ZSCAN20: variants seen among roughly 807,000 people sequenced by gnomAD.
ZSCAN20 encodes the protein zinc finger and SCAN domain-containing protein 20.
ZSCAN20 carries 39 observed loss-of-function variants against 97.1 expected under a neutral mutation model. The observed-to-expected ratio is 0.40, with a 90% CI of 0.31 to 0.52. The LOEUF (loss-of-function observed/expected upper bound fraction) is 0.52. ZSCAN20 is among the 20% of genes least tolerant of loss of function. The probability of loss-of-function intolerance (pLI) is 0.49; values close to 1 mark genes in which losing one functional copy is unlikely to be tolerated. For synonymous variants in ZSCAN20, 456 were observed against 467.3 expected (o/e 0.98, Z 0.31); for missense variants, 1,115 against 1,290.4 (o/e 0.86, Z 2.08).
rs778738966 is a variant in ZSCAN20 at position 33,491,162 on chromosome 1, T to G, written c.904T>G (p.Trp302Gly). ...LDNEPAQALTWRDSRAWEEQY... is the reference protein window; with the variant it reads ...LDNEPAQALTGRDSRAWEEQY... ...TAATGAGCCAGCTCAGGCATTGACC[T>G]GGAGGGATTCAAGAGCCTGGGAGGA... The change falls in exon 6 of 8, where the codon TGG (tryptophan) becomes GGG (glycine). Residue 302 changes from tryptophan to glycine, a missense_variant. Around this residue, in one of 3 missense-constraint regions of ZSCAN20, gnomAD observed 508 missense variants for 611.2 expected, o/e 0.83. Transcript: ENST00000684572. This position sits in a 1 kb window ranked among gnomAD's most constrained non-coding sequence, Gnocchi z 4.3. The G allele has an allele frequency of 4.3e-6, 7 of 1,613,882 alleles. No homozygotes were observed. The African/African-American group carries it at 8.0e-5, about 18-fold the overall frequency.
intron 2 of ZSCAN20, among the ~76,000 whole-genome samples, chr1:33,485,519 C>T (rs112273031): frequency 0.014 from 979 of 69,590 alleles, 15 homozygotes; most frequent in African/African-American, 0.051. Flanking sequence ...AAGCAACCCT[C>T]CTGCCTCAGC....
In ZSCAN20 at chr1:33,495,327, T is replaced by C; in HGVS notation, c.2983T>C (p.Cys995Arg). The change falls in exon 8 of 8, where the codon TGC (cysteine) becomes CGC (arginine). Residue 995 changes from cysteine (C) to arginine (R), a missense_variant. By Grantham distance (180) the Cys-to-Arg change is radical (BLOSUM62 -3). Coordinates refer to ENST00000684572, the MANE Select transcript of ZSCAN20 (RefSeq NM_001377376.1). ...GTATAAGTGCAGAGAGTGTGGGAAA[T>C]GCTTTAACCAGAGCTCCAGTCTTAT... ...KPYKCRECGK[C>R]FNQSSSLIIH... 1 of 1,613,028 alleles carries C rather than the reference T, an allele frequency of 6.2e-7. No homozygotes were observed. The highest frequency in any genetic ancestry group is 8.5e-7 in the Non-Finnish European group (1 of 1,179,426).
intron 5 of ZSCAN20, among the ~76,000 whole-genome samples, chr1:33,490,498 C>T (rs979145344): frequency 2.0e-5 from 3 of 152,156 alleles, no homozygotes; most frequent in African/African-American, 7.2e-5. Context: ...TACAGACTAG[C>T]TGAGCAATGT....
In ZSCAN20 at chr1:33,491,345, C is replaced by T. The variant is rs373247273; in HGVS notation, c.1087C>T (p.Gln363Ter). The stretch of plus-strand genomic sequence containing the variant: ...CCAGGTATATCGGGCCATTGCAGAG[C>T]AGCTAAGGGCAAGGGGCTTCCTGCG... ...NRQVYRAIAE[Q>*]LRARGFLRTL... Residue 363 changes from glutamine (Q) to a stop codon, truncating the protein, a stop_gained, in exon 6 of 8, where the codon CAG becomes TAG. Transcript: ENST00000684572. LOFTEE classifies it high-confidence loss of function. This position sits in a 1 kb window ranked among gnomAD's most constrained non-coding sequence, Gnocchi z 4.3. The T allele has an allele frequency of 9.3e-6, 15 of 1,614,064 alleles. No homozygotes were observed. Among genetic ancestry groups the T allele is most frequent in the Non-Finnish European group, 1.3e-5 (15 of 1,180,030 alleles).
At position 33,498,833 on chromosome 1, in the gene ZSCAN20, G is replaced by A. The variant is rs551195894; in HGVS notation, c.*3357G>A. 2.6e-5 allele frequency among the ~76,000 whole-genome samples: 4 copies of A among 152,284 alleles called. No homozygotes were observed. The highest frequency in any genetic ancestry group is 4.8e-5 in the African/African-American group (2 of 41,572). On this transcript the variant is annotated 3_prime_UTR_variant, in exon 8 of 8. Transcript: ENST00000684572. ...TTGGCTCCTCTGAAGGGACAAAAAGGTACCTAAAGGACCTTAGGCCTCCCA... is the reference window on the plus strand; with the variant it reads ...TTGGCTCCTCTGAAGGGACAAAAAGATACCTAAAGGACCTTAGGCCTCCCA...
intron 2 of ZSCAN20, among the ~76,000 whole-genome samples, chr1:33,484,069 T>G (rs966096998): frequency 2.6e-5 from 4 of 152,250 alleles, no homozygotes; most frequent in Admixed American, 6.5e-5. Flanking sequence ...GCAGCCTTGC[T>G]ATAACTGCTT....
At chr1:33,473,572 G>T (rs1011474662) in intron 1 of ZSCAN20, among the ~76,000 whole-genome samples, 1 of 151,892 alleles carries the variant, frequency 6.6e-6, no homozygotes, top group African/African-American at 2.4e-5. Flanking sequence ...TCGTTTCCTG[G>T]GTAGGCCATT....
At chr1:33,472,893 T>TA (rs1190761759) in intron 1 of ZSCAN20, among the ~76,000 whole-genome samples, 2 of 150,166 alleles carry the variant, frequency 1.3e-5, no homozygotes, top group African/African-American at 4.9e-5. Context: ...GAGGAGGCGA[T>TA]AGAGGGCCCT....
chr1:33,488,471 G>C lies in ZSCAN20; in HGVS notation c.424G>C (p.Glu142Gln), dbSNP rs1357186252. ...TTTGACTATTTGTGTGTAGGGACTGGAATTGCATACAGAAGAGACCAGGCC... is the reference window on the plus strand; with the variant it reads ...TTTGACTATTTGTGTGTAGGGACTGCAATTGCATACAGAAGAGACCAGGCC... Reference protein sequence around the residue: ...ETRTAGQSGLELHTEETRPLK... With the variant: ...ETRTAGQSGLQLHTEETRPLK... Residue 142 changes from glutamate (E) to glutamine (Q), a missense_variant, in exon 3 of 8, where the codon GAA becomes CAA. Coordinates refer to ENST00000684572, the MANE Select transcript of ZSCAN20 (RefSeq NM_001377376.1). The C allele has an allele frequency of 6.2e-7, 1 of 1,611,822 alleles. No homozygotes were observed. Among genetic ancestry groups the C allele is most frequent in the African/African-American group, 1.3e-5 (1 of 74,660 alleles).
rs1180807569 is a variant in ZSCAN20 at position 33,495,494 on chromosome 1, A to C, written c.*18A>C. ...CGTCGTAGGGGACAGTTTCCTCAAC[A>C]ACAAAGGAGGACTCAATGTATATAT... On this transcript the variant is annotated 3_prime_UTR_variant, in exon 8 of 8. Transcript: ENST00000684572. 1 of 1,498,530 alleles carries C rather than the reference A, an allele frequency of 6.7e-7. No individual in the cohort carries two copies. Among genetic ancestry groups the C allele is most frequent in the East Asian group, 2.3e-5 (1 of 43,952 alleles). The allele number at this position is 1,498,530 out of a possible 1,614,324, so 92.8% of individuals were successfully genotyped here.
rs182189316 is a variant in ZSCAN20, at chr1:33,501,009, C to T, written c.*5533C>T. Among the ~76,000 whole-genome samples the T allele has an allele frequency of 9.0e-4, 137 of 152,198 alleles. 1 individual carries two copies. The highest frequency in any genetic ancestry group is 3.3e-3 in the African/African-American group (135 of 41,538). ...GATTCGTGGACCACAGAGAAGCTTCCGCATATTTATAGGCACTGGGGACCA... is the reference window on the plus strand; with the variant it reads ...GATTCGTGGACCACAGAGAAGCTTCTGCATATTTATAGGCACTGGGGACCA... On this transcript the variant is annotated 3_prime_UTR_variant, in exon 8 of 8. Transcript: ENST00000684572.
At position 33,494,561 on chromosome 1, in the gene ZSCAN20, A is replaced by G. The variant is rs1317554611; in HGVS notation, c.2217A>G (p.Lys739=). The G allele has an allele frequency of 6.2e-7, 1 of 1,614,032 alleles. No individual in the cohort carries two copies. Among genetic ancestry groups the G allele is most frequent in the East Asian group, 2.2e-5 (1 of 44,890 alleles). The change falls in exon 8 of 8, where the codon AAA becomes AAG. Residue 739 remains lysine (K), a synonymous_variant. Transcript: ENST00000684572. ...TCCACACAGGTGAGAAGCCCTACAA[A>G]TGCCTTGAATGTGGAAAAAACTTTA... The part of the protein sequence containing the change: ...QRIHTGEKPY[K]CLECGKNFSD...
At chr1:33,482,754 A>T (rs1652201452) in intron 2 of ZSCAN20, among the ~76,000 whole-genome samples, 1 of 152,242 alleles carries the variant, frequency 6.6e-6, no homozygotes, top group African/African-American at 2.4e-5. Flanking sequence ...GATTTTGGCC[A>T]TTCTAATAGG....
rs905424187 is a variant in ZSCAN20 at position 33,479,204 on chromosome 1, A to T, written c.-85A>T. Reference sequence around the variant, plus strand: ...AGCCTTGGGGAGCAGTCCCTTTTCTAGGAGCCTCTTGAAGGACTCACCGTA... The same window carrying T: ...AGCCTTGGGGAGCAGTCCCTTTTCTTGGAGCCTCTTGAAGGACTCACCGTA... On this transcript the variant is annotated 5_prime_UTR_variant, in exon 2 of 8. Transcript: ENST00000684572. 1.3e-5 allele frequency: 19 copies of T among 1,428,830 alleles called. No individual in the cohort carries two copies. In the Admixed American group the frequency reaches 4.3e-4, roughly 32 times the overall value. 88.5% of individuals were successfully genotyped at this position (1,428,830 alleles called of 1,614,324 possible).
In ZSCAN20 at chr1:33,498,664, C is replaced by G. The variant is rs951714890; in HGVS notation, c.*3188C>G. On this transcript the variant is annotated 3_prime_UTR_variant, in exon 8 of 8. Coordinates refer to ENST00000684572, the MANE Select transcript of ZSCAN20 (RefSeq NM_001377376.1). ...GACAGTTTCTCAGCCTTCCTGGCCA[C>G]AGGTCAGACCCTGGTTATGGAAAAC... 6.6e-6 allele frequency among the ~76,000 whole-genome samples: 1 copy of G among 152,194 alleles called. No homozygotes were observed. Among genetic ancestry groups the G allele is most frequent in the Non-Finnish European group, 1.5e-5 (1 of 68,024 alleles).
chr1:33,501,434 G>A lies in ZSCAN20; in HGVS notation c.*5958G>A, dbSNP rs1371540519. ...CCATCAGGAGCCTCAGGGATTTAAT[G>A]TCCAATTCTAAAACCTGAACAGGCC... On this transcript the variant is annotated 3_prime_UTR_variant, in exon 8 of 8. Coordinates refer to ENST00000684572, the MANE Select transcript of ZSCAN20 (RefSeq NM_001377376.1). Among the ~76,000 whole-genome samples the A allele has an allele frequency of 6.6e-6, 1 of 152,050 alleles. No individual in the cohort carries two copies. The highest frequency in any genetic ancestry group is 1.5e-5 in the Non-Finnish European group (1 of 68,018).
At position 33,493,683 on chromosome 1, in the gene ZSCAN20, C is replaced by T. The variant is rs1303787807; in HGVS notation, c.1873+68C>T. 6.8e-7 allele frequency: 1 copy of T among 1,460,428 alleles called. No individual in the cohort carries two copies. Among genetic ancestry groups the T allele is most frequent in the Non-Finnish European group, 9.1e-7 (1 of 1,095,470 alleles). The allele number at this position is 1,460,428 out of a possible 1,614,324, so 90.5% of individuals were successfully genotyped here. A position where few individuals can be genotyped will look rare whatever the true frequency, so the allele number is the denominator to read the frequency against. ...GTGGAGAGAATGAGGAAGCCAGGCT[C>T]ATTATCTTTTGTCTCTTAACTAAAA... On this transcript the variant is annotated intron_variant, in intron 7 of 7. Coordinates refer to ENST00000684572, the MANE Select transcript of ZSCAN20 (RefSeq NM_001377376.1). The surrounding 1 kb of genome is among the most constrained non-coding windows in gnomAD (Gnocchi z 4.3).
Position 33,491,368 on chromosome 1 carries a change from GCGGA to G in ZSCAN20, c.1112_1115del (p.Arg371HisfsTer197). The G allele has an allele frequency of 6.2e-7, 1 of 1,614,174 alleles. No homozygotes were observed. The highest frequency in any genetic ancestry group is 1.7e-5 in the Admixed American group (1 of 60,020). On this transcript the variant is annotated frameshift_variant, in exon 6 of 8. Transcript: ENST00000684572. LOFTEE classifies it high-confidence loss of function. The surrounding 1 kb of genome is among the most constrained non-coding windows in gnomAD (Gnocchi z 4.3). ...AGCAGCTAAGGGCAAGGGGCTTCCT[GCGGA>G]CACTGGAGCAATGTCGCTATAGGGT... is the stretch of plus-strand genomic sequence containing the variant.
At chr1:33,485,691 G>A (rs1652338170) in intron 2 of ZSCAN20, among the ~76,000 whole-genome samples, 1 of 152,116 alleles carries the variant, frequency 6.6e-6, no homozygotes, top group African/African-American at 2.4e-5. Context: ...GGGGTTACAT[G>A]TGTGAGCCAT....
Sources: gnomAD v4.1 joint callset for allele counts (sites outside exome capture counted in the v4.1 genomes callset) on GRCh38, gnomAD v4.1.1 for gene constraint, gnomAD v4.1.1 regional missense constraint, Gnocchi (gnomAD v3.1) non-coding constraint, MANE v1.5 for transcripts, NCBI Gene and HGNC (gene_info 2026-07-23, HGNC 2026-07-21) for gene names.